The following XKR9 variants were observed in gnomAD, a reference collection of about 807,000 sequenced individuals.
XKR9 encodes XK-related protein 9.
A neutral mutation model predicts 32.0 loss-of-function variants in XKR9; 32 were observed. That is an observed-to-expected ratio of 1.00 (90% CI 0.76 to 1.34). The LOEUF (loss-of-function observed/expected upper bound fraction) is 1.34, where lower values mean the gene tolerates loss of function less well. Among genes scored for constraint, XKR9 ranks in the 40% most tolerant of loss-of-function variants. The pLI is 0.00. For missense variants in XKR9, 546 were observed against 429.7 expected (o/e 1.27, Z -2.39); for synonymous variants, 168 against 143.4 (o/e 1.17, Z -1.22).
At chr8:70,736,043 A>T (rs1466515790), downstream of XKR9, 1 of 152,216 alleles carries the variant, frequency 6.6e-6, no homozygotes, top group Non-Finnish European at 1.5e-5. Flanking sequence ...CACCACACTG[A>T]CTTCCACAAT....
chr8:70,826,139 T>C, the XKR9 span, among the ~76,000 whole-genome samples: 2 of 152,126 alleles, frequency 1.3e-5, no homozygotes, highest in East Asian at 1.9e-4. Flanking sequence ...AAGACCTTAT[T>C]GGCTATGTGT....
At chr8:71,030,405 T>C in the XKR9 span, among the ~76,000 whole-genome samples, 1 of 152,176 alleles carries the variant, frequency 6.6e-6, no homozygotes, top group Non-Finnish European at 1.5e-5. Flanking sequence ...AAGTTATAGA[T>C]GAAACAAGCA....
At chr8:70,742,299 G>A (rs111625631) in intron 2 of XKR9, among the ~76,000 whole-genome samples, 7 of 152,240 alleles carry the variant, frequency 4.6e-5, no homozygotes, top group African/African-American at 1.7e-4. Flanking sequence ...GGAAATCTTC[G>A]GTTTACCTTG....
At position 70,681,065 on chromosome 8, in the gene XKR9, T is replaced by C; in HGVS notation, c.7T>C (p.Tyr3His). Residue 3 changes from tyrosine (Y) to histidine (H), a missense_variant, in exon 3 of 5, where the codon TAT becomes CAT. Physicochemically the swap from Tyr to His is moderately conservative, Grantham distance 83. Transcript: ENST00000408926. ...AAAGCTATAGTCATTCGTAATGAAA[T>C]ATACTAAACAGAATTTTATGATGTC... MK[Y>H]TKQNFMMSVL... 6.2e-7 allele frequency: 1 copy of C among 1,608,190 alleles called. No homozygotes were observed.
intron 3 of XKR9, among the ~76,000 whole-genome samples, chr8:70,700,716 TGTCA>T (rs1805493487): frequency 6.6e-6 from 1 of 152,196 alleles, no homozygotes; most frequent in African/African-American, 2.4e-5. Flanking sequence ...TCTTCAAAGC[TGTCA>T]GACAGGGACA....
the XKR9 span, among the ~76,000 whole-genome samples, chr8:70,864,883 C>T: frequency 1.3e-5 from 2 of 152,016 alleles, no homozygotes; most frequent in Non-Finnish European, 2.9e-5. Flanking sequence ...AACCCCAGCA[C>T]CATGTTTTAT....
At chr8:71,042,286 G>A in the XKR9 span, among the ~76,000 whole-genome samples, 1 of 152,098 alleles carries the variant, frequency 6.6e-6, no homozygotes, top group Non-Finnish European at 1.5e-5. Flanking sequence ...CTTGGGTTCA[G>A]GATAAAGCAT....
intron 4 of XKR9, among the ~76,000 whole-genome samples, chr8:70,723,860 G>GCTCTCTTCA (rs1806364681): frequency 3.3e-5 from 5 of 151,056 alleles, no homozygotes; most frequent in Non-Finnish European, 4.4e-5. Context: ...GAGATCCACT[G>GCTCTCTTCA]CTCTCTTCAG....
At chr8:70,857,007 C>A in the XKR9 span, among the ~76,000 whole-genome samples, 1 of 152,046 alleles carries the variant, frequency 6.6e-6, no homozygotes, top group African/African-American at 2.4e-5. Context: ...ACTAAATGCC[C>A]ACAAGAGAAA....
At chr8:70,816,025 G>A in the XKR9 span, among the ~76,000 whole-genome samples, 3 of 151,776 alleles carry the variant, frequency 2.0e-5, no homozygotes, top group Admixed American at 1.3e-4. Flanking sequence ...GGGATTGCTG[G>A]GTAGAATGTT....
chr8:70,990,773 G>A, the XKR9 span, among the ~76,000 whole-genome samples: 3 of 151,208 alleles, frequency 2.0e-5, no homozygotes, highest in African/African-American at 4.9e-5. Flanking sequence ...GAGAGAAAGA[G>A]AGAGAGAGAG....
At chr8:70,885,816 T>A in the XKR9 span, among the ~76,000 whole-genome samples, 2 of 152,198 alleles carry the variant, frequency 1.3e-5, no homozygotes, top group Non-Finnish European at 2.9e-5. Context: ...CAGGATGGTC[T>A]CGATCTCCTG....
intron 4 of XKR9, among the ~76,000 whole-genome samples, chr8:70,707,928 A>G (rs1805776886): frequency 6.6e-6 from 1 of 152,068 alleles, no homozygotes; most frequent in South Asian, 2.1e-4. Context: ...ATAATCACAA[A>G]TTGCATTAAT....
At chr8:70,728,844 CTG>C (rs1806565858) in intron 4 of XKR9, among the ~76,000 whole-genome samples, 1 of 152,174 alleles carries the variant, frequency 6.6e-6, no homozygotes, top group Non-Finnish European at 1.5e-5. Context: ...TTGGTGAACT[CTG>C]TTCCATAAGG....
At chr8:71,012,077 G>A in the XKR9 span, among the ~76,000 whole-genome samples, 8 of 152,148 alleles carry the variant, frequency 5.3e-5, no homozygotes, top group Admixed American at 4.6e-4. Context: ...ATTGAATGAA[G>A]TGTTTATTGT....
At chr8:70,939,581 T>C in the XKR9 span, among the ~76,000 whole-genome samples, 1 of 152,070 alleles carries the variant, frequency 6.6e-6, no homozygotes, top group African/African-American at 2.4e-5. Flanking sequence ...TAATAAATAT[T>C]TGAGGACTGA....
the XKR9 span, among the ~76,000 whole-genome samples, chr8:71,007,591 G>A: frequency 6.6e-6 from 1 of 151,894 alleles, no homozygotes; most frequent in African/African-American, 2.4e-5. Flanking sequence ...GAAAATAAAA[G>A]GGGTCAAAGG....
At chr8:70,697,928 G>A (rs979833200) in intron 3 of XKR9, among the ~76,000 whole-genome samples, 14 of 151,852 alleles carry the variant, frequency 9.2e-5, no homozygotes, top group Non-Finnish European at 1.5e-4. Context: ...TGTATGTGTC[G>A]AGGAATTTAT....
downstream of XKR9, among the ~76,000 whole-genome samples, chr8:70,740,808 T>G (rs934759954): frequency 1.3e-5 from 2 of 152,230 alleles, no homozygotes; most frequent in Admixed American, 1.3e-4. Flanking sequence ...AATGCTGCTG[T>G]CTGATCGTTC....
Sources: gnomAD v4.1 joint callset for allele counts (sites outside exome capture counted in the v4.1 genomes callset) on GRCh38, gnomAD v4.1.1 for gene constraint, MANE v1.5 for transcripts, NCBI Gene and HGNC (gene_info 2026-07-23, HGNC 2026-07-21) for gene names.